Variants in CACNA1E observed in about 807,000 individuals in gnomAD.
CACNA1E encodes the protein calcium voltage-gated channel subunit alpha1 E, also known as voltage-dependent R-type calcium channel subunit alpha-1E.
CACNA1E carries 40 observed loss-of-function variants against 259.2 expected under a neutral mutation model. That is an observed-to-expected ratio of 0.15 (90% CI 0.12 to 0.20). The LOEUF is 0.20. Ranked by LOEUF, CACNA1E falls within the 10% of genes least tolerant of loss-of-function variation. The pLI, the probability that CACNA1E is intolerant of heterozygous loss-of-function variation, is 1.00. For synonymous variants in CACNA1E, 1,104 were observed against 1,138.5 expected (o/e 0.97, Z 0.61); for missense variants, 1,874 against 3,040.1 (o/e 0.62, Z 9.02).
intron 6 of CACNA1E, among the ~76,000 whole-genome samples, chr1:181,643,790 A>G (rs192010296): frequency 5.3e-5 from 8 of 152,308 alleles, no homozygotes; most frequent in South Asian, 2.1e-4. Context: ...AATCACTGAC[A>G]TTCTTGGCAG....
At chr1:181,319,563 A>G (rs946167559) in intron 1 of CACNA1E, among the ~76,000 whole-genome samples, 27 of 152,312 alleles carry the variant, frequency 1.8e-4, no homozygotes, top group African/African-American at 6.3e-4. Flanking sequence ...GTTCTCTCAC[A>G]TGCTAAGTTT....
chr1:181,655,867 A>G (rs1659163757), intron 7 of CACNA1E, among the ~76,000 whole-genome samples: 1 of 152,224 alleles, frequency 6.6e-6, no homozygotes, highest in South Asian at 2.1e-4. Context: ...AAAACTATAT[A>G]CAGTCATGTG....
chr1:181,335,712 C>T (rs542901237), intron 1 of CACNA1E, among the ~76,000 whole-genome samples: 46 of 152,302 alleles, frequency 3.0e-4, no homozygotes, highest in African/African-American at 1.0e-3. Flanking sequence ...CATCTCCATT[C>T]GTCTATGTGG....
intron 6 of CACNA1E, among the ~76,000 whole-genome samples, chr1:181,625,665 G>C (rs563538883): frequency 6.6e-6 from 1 of 152,312 alleles, no homozygotes; most frequent in Admixed American, 6.5e-5. Flanking sequence ...TGACTGGTTT[G>C]ATCTTCCATC....
intron 1 of CACNA1E, among the ~76,000 whole-genome samples, chr1:181,407,349 T>G (rs544224414): frequency 6.6e-6 from 1 of 152,174 alleles, no homozygotes; most frequent in Non-Finnish European, 1.5e-5. Flanking sequence ...AGAAGGACAC[T>G]GTTCTAGTGG....
intron 6 of CACNA1E, among the ~76,000 whole-genome samples, chr1:181,637,808 A>G (rs992108441): frequency 1.3e-5 from 2 of 152,188 alleles, no homozygotes; most frequent in African/African-American, 4.8e-5. Flanking sequence ...AGTGAAGGTA[A>G]CATTCAGTCA....
chr1:181,598,184 C>T (rs539467360), intron 6 of CACNA1E, among the ~76,000 whole-genome samples: 4 of 152,336 alleles, frequency 2.6e-5, no homozygotes, highest in South Asian at 4.1e-4. Flanking sequence ...TTCAACTTAA[C>T]GGACATACCA....
chr1:181,674,660 G>T (rs548799788), intron 7 of CACNA1E, among the ~76,000 whole-genome samples: 1 of 152,212 alleles, frequency 6.6e-6, no homozygotes, highest in African/African-American at 2.4e-5. Flanking sequence ...CTCTTCCTGC[G>T]AGGGCAGTGC....
intron 1 of CACNA1E, among the ~76,000 whole-genome samples, chr1:181,360,004 C>A (rs1158082856): frequency 1.3e-5 from 2 of 152,156 alleles, no homozygotes; most frequent in East Asian, 3.9e-4. Flanking sequence ...GACTCTCCCT[C>A]TCTCAATGCA....
intron 3 of CACNA1E, among the ~76,000 whole-genome samples, chr1:181,534,128 C>A (rs1372375229): frequency 6.6e-6 from 1 of 151,712 alleles, no homozygotes; most frequent in Admixed American, 6.6e-5. Flanking sequence ...TTATTTTGTT[C>A]CTTATTTAAA....
chr1:181,572,236 T>C (rs1296652796), intron 3 of CACNA1E, among the ~76,000 whole-genome samples: 1 of 152,188 alleles, frequency 6.6e-6, no homozygotes, highest in Non-Finnish European at 1.5e-5. Flanking sequence ...TGGAGAATTC[T>C]TTGGGCGACT....
intron 3 of CACNA1E, among the ~76,000 whole-genome samples, chr1:181,531,545 C>A (rs1281361092): frequency 6.6e-6 from 1 of 152,186 alleles, no homozygotes; most frequent in African/African-American, 2.4e-5. Context: ...TCTGTGCAAA[C>A]CTGTCCATGG....
In CACNA1E at chr1:181,323,853, G is replaced by C. The variant is rs374780356; in HGVS notation, c.-15+5730G>C. Among the ~76,000 whole-genome samples, 17 of 152,248 alleles carry C rather than the reference G, an allele frequency of 1.1e-4. No individual in the cohort carries two copies. The East Asian group carries it at 2.5e-3, about 22-fold the overall frequency. ...TTTTTTTGTTGGATCTCAGACTCTG[G>C]GTTAATGAGCTATTCGGTGCTGAAG... On this transcript the variant is annotated intron_variant, in intron 1 of 11. Transcript: ENST00000524607.
At chr1:181,365,117 G>A (rs1440978989) in intron 1 of CACNA1E, among the ~76,000 whole-genome samples, 5 of 152,214 alleles carry the variant, frequency 3.3e-5, no homozygotes, top group African/African-American at 1.2e-4. Context: ...GTGCATGACT[G>A]TGAATGAAGG....
intron 37 of CACNA1E, among the ~76,000 whole-genome samples, chr1:181,773,081 A>G (rs541185674): frequency 6.6e-6 from 1 of 152,230 alleles, no homozygotes; most frequent in Non-Finnish European, 1.5e-5. Context: ...TAAAACTAAG[A>G]CAGTGATGCC....
chr1:181,755,038 G>T (rs1336704588), intron 27 of CACNA1E, among the ~76,000 whole-genome samples, 199 bp from the exon 28 acceptor site: 1 of 152,124 alleles, frequency 6.6e-6, no homozygotes, highest in Non-Finnish European at 1.5e-5. Context: ...CATCCCAGGT[G>T]GTAGGTCCTT....
chr1:181,737,107 G>A (rs928364317), intron 22 of CACNA1E, among the ~76,000 whole-genome samples: 1 of 152,212 alleles, frequency 6.6e-6, no homozygotes, highest in Non-Finnish European at 1.5e-5. Context: ...ACTCATTACT[G>A]CTTTCGTCAG....
chr1:181,790,846 A>T (rs1005661550), intron 44 of CACNA1E, among the ~76,000 whole-genome samples: 4 of 152,180 alleles, frequency 2.6e-5, no homozygotes, highest in African/African-American at 9.7e-5. Context: ...GTAAGACCGG[A>T]AGTCACTTAT....
At chr1:181,772,994 G>T (rs1236452799) in intron 37 of CACNA1E, among the ~76,000 whole-genome samples, 1 of 152,110 alleles carries the variant, frequency 6.6e-6, no homozygotes, top group Non-Finnish European at 1.5e-5. Context: ...TAATAAAAGG[G>T]CCAGTTTAGT....
Sources: gnomAD v4.1 joint callset for allele counts (sites outside exome capture counted in the v4.1 genomes callset) on GRCh38, gnomAD v4.1.1 for gene constraint, MANE v1.5 for transcripts, NCBI Gene and HGNC (gene_info 2026-07-23, HGNC 2026-07-21) for gene names.